The following COX10 variants were observed in gnomAD, a reference collection of about 807,000 sequenced individuals.
The protein encoded by COX10 is protoheme IX farnesyltransferase, mitochondrial.
Under a neutral mutation model 37.3 loss-of-function variants are expected in COX10, and 27 were observed. The ratio of observed to expected loss-of-function variants is 0.72; its 90% CI spans 0.53 to 1.00. The LOEUF (loss-of-function observed/expected upper bound fraction) is 1.00, where lower values mean the gene tolerates loss of function less well. COX10 is among the 50% of genes least tolerant of loss of function. COX10 has a pLI of 0.00. For synonymous variants in COX10, 222 were observed against 229.1 expected (o/e 0.97, Z 0.28); for missense variants, 475 against 563.2 (o/e 0.84, Z 1.59).
intron 1 of COX10, among the ~76,000 whole-genome samples, chr17:14,073,825 C>A (rs1432578117): frequency 1.3e-5 from 2 of 152,116 alleles, no homozygotes; most frequent in African/African-American, 4.8e-5. Flanking sequence ...AATTTAGATA[C>A]AATAAAAATA....
chr17:14,147,786 T>C (rs1904767701), intron 4 of COX10, among the ~76,000 whole-genome samples: 1 of 138,626 alleles, frequency 7.2e-6, no homozygotes, highest in African/African-American at 2.7e-5. Flanking sequence ...ATTAAAACAA[T>C]TTAAAAAAAA....
intron 1 of COX10, among the ~76,000 whole-genome samples, chr17:14,070,964 T>A (rs1041165280): frequency 6.6e-6 from 1 of 152,206 alleles, no homozygotes; most frequent in Non-Finnish European, 1.5e-5. Context: ...TAATGGGGGC[T>A]CATGGTACTC....
chr17:14,107,325 AG>A (rs958817961), intron 4 of COX10, among the ~76,000 whole-genome samples: 2 of 152,034 alleles, frequency 1.3e-5, no homozygotes, highest in African/African-American at 4.8e-5. Flanking sequence ...GTGGATAGCT[AG>A]GGTGACCATA....
At chr17:14,107,684 C>A (rs556408909) in intron 4 of COX10, among the ~76,000 whole-genome samples, 1 of 152,076 alleles carries the variant, frequency 6.6e-6, no homozygotes, top group Non-Finnish European at 1.5e-5. Context: ...CACACACACA[C>A]ACACACACAC....
At chr17:14,118,627 G>A (rs889152916) in intron 4 of COX10, among the ~76,000 whole-genome samples, 20 of 152,232 alleles carry the variant, frequency 1.3e-4, no homozygotes, top group African/African-American at 4.8e-4. Context: ...AGAAATCAAT[G>A]TGAAGAGGAA....
At chr17:14,125,735 G>A (rs918800176) in intron 4 of COX10, among the ~76,000 whole-genome samples, 6 of 152,154 alleles carry the variant, frequency 3.9e-5, no homozygotes, top group African/African-American at 1.4e-4. Context: ...CAATACTTAA[G>A]TAGGGTAGAC....
At chr17:14,080,402 A>G (rs1287392766) in intron 3 of COX10, among the ~76,000 whole-genome samples, 5 of 151,614 alleles carry the variant, frequency 3.3e-5, no homozygotes, top group Admixed American at 2.6e-4. Context: ...TTTAGTAGAG[A>G]CGGGGTTTCA....
chr17:14,150,018 C>T (rs972548924), intron 4 of COX10, among the ~76,000 whole-genome samples: 1 of 152,082 alleles, frequency 6.6e-6, no homozygotes, highest in African/African-American at 2.4e-5. Context: ...CGCCTGTAAT[C>T]CCAGCACTCT....
chr17:14,078,763 T>C (rs1452503811), intron 3 of COX10, among the ~76,000 whole-genome samples: 1 of 152,210 alleles, frequency 6.6e-6, no homozygotes, highest in African/African-American at 2.4e-5. Flanking sequence ...TACGAGTCTA[T>C]AGTTTCTCCA....
intron 4 of COX10, among the ~76,000 whole-genome samples, chr17:14,130,803 C>A (rs977439733): frequency 4.0e-5 from 6 of 151,820 alleles, no homozygotes; most frequent in Admixed American, 6.6e-5. Context: ...TTTTCTGTTC[C>A]CCACCTTTTT....
intron 1 of COX10, 58 bp downstream of exon 1, chr17:14,069,706 C>G: frequency 1.2e-6 from 2 of 1,607,414 alleles, no homozygotes; most frequent in Admixed American, 1.7e-5. Context: ...TTACCACGTG[C>G]GAGGCCGTGG....
At chr17:14,086,317 T>C (rs1915408948) in intron 3 of COX10, among the ~76,000 whole-genome samples, 1 of 152,084 alleles carries the variant, frequency 6.6e-6, no homozygotes, top group South Asian at 2.1e-4. Context: ...AAATTTATTA[T>C]TGATAAGAAA....
At chr17:14,179,327 C>A (rs1404013441) in intron 5 of COX10, 3 of 437,832 alleles carry the variant, frequency 6.9e-6, no homozygotes, top group African/African-American at 4.3e-5. Context: ...GCTGGTCTAT[C>A]CTAATTTAAT....
chr17:14,168,123 A>G (rs1458023719), intron 5 of COX10, among the ~76,000 whole-genome samples: 1 of 152,226 alleles, frequency 6.6e-6, no homozygotes, highest in African/African-American at 2.4e-5. Flanking sequence ...TCCCATTCCA[A>G]GTGGGAGAAA....
intron 1 of COX10, among the ~76,000 whole-genome samples, chr17:14,071,172 T>C (rs575485875): frequency 6.6e-6 from 1 of 152,336 alleles, no homozygotes; most frequent in Non-Finnish European, 1.5e-5. Context: ...ATCTTCTCTG[T>C]ATGGAGGTTT....
chr17:14,165,214 T>G (rs1328481924), intron 5 of COX10, among the ~76,000 whole-genome samples: 1 of 152,240 alleles, frequency 6.6e-6, no homozygotes, highest in Non-Finnish European at 1.5e-5. Context: ...CCTCATTTTA[T>G]TGCACTTTGC....
intron 4 of COX10, among the ~76,000 whole-genome samples, chr17:14,107,104 C>T (rs1280700634): frequency 2.0e-5 from 3 of 152,070 alleles, no homozygotes; most frequent in Non-Finnish European, 4.4e-5. Flanking sequence ...TGGACACTGA[C>T]GGCACTCCCC....
At chr17:14,164,845 C>T (rs1567605594) in intron 5 of COX10, among the ~76,000 whole-genome samples, 1 of 152,146 alleles carries the variant, frequency 6.6e-6, no homozygotes, top group African/African-American at 2.4e-5. Flanking sequence ...GGAGAGGTGT[C>T]ATTGTTATGT....
At position 14,074,337 on chromosome 17, in the gene COX10, T is replaced by C; in HGVS notation, c.58T>C (p.Ser20Pro). ...SRLLTGCVGG[S>P]VWYLERRTIQ... ...CTCTATTATAGGTTGCGTAGGAGGC[T>C]CTGTCTGGTATCTTGAAAGAAGAAC... The change falls in exon 2 of 7, where the codon TCT (serine) becomes CCT (proline). Residue 20 changes from serine (S) to proline (P), a missense_variant. This residue lies in a region of COX10 where 242 missense variants were observed against 242.5 expected (regional missense o/e 1.00). Transcript: ENST00000261643. The C allele has an allele frequency of 6.2e-7, 1 of 1,614,132 alleles. No homozygotes were observed. The highest frequency in any genetic ancestry group is 8.5e-7 in the Non-Finnish European group (1 of 1,179,986).
Sources: gnomAD v4.1 joint callset for allele counts (sites outside exome capture counted in the v4.1 genomes callset) on GRCh38, gnomAD v4.1.1 for gene constraint, gnomAD v4.1.1 regional missense constraint, MANE v1.5 for transcripts, NCBI Gene and HGNC (gene_info 2026-07-23, HGNC 2026-07-21) for gene names.